The following NUFIP2 variants were observed in gnomAD, a reference collection of about 807,000 sequenced individuals.
The protein encoded by NUFIP2 is nuclear FMR1 interacting protein 2.
A neutral mutation model predicts 56.9 loss-of-function variants in NUFIP2; 6 were observed. That is an observed-to-expected ratio of 0.11 (90% CI 0.06 to 0.21). NUFIP2 has a LOEUF of 0.21. Ranked by LOEUF, NUFIP2 falls within the 10% of genes least tolerant of loss-of-function variation. The probability of loss-of-function intolerance (pLI) is 1.00; values close to 1 mark genes in which losing one functional copy is unlikely to be tolerated. For missense variants in NUFIP2, 828 were observed against 826.8 expected (o/e 1.00, Z -0.02); for synonymous variants, 321 against 298.2 (o/e 1.08, Z -0.79).
At chr17:29,272,368 A>G (rs1257108976) in intron 2 of NUFIP2, among the ~76,000 whole-genome samples, 1 of 151,488 alleles carries the variant, frequency 6.6e-6, no homozygotes, top group Non-Finnish European at 1.5e-5. Flanking sequence ...AGCCTCCCGA[A>G]TAGCTGAGAC....
rs1436111766 is a variant in NUFIP2, at chr17:29,294,083, C to T, written c.-24G>A. 3 of 1,575,244 alleles carry T rather than the reference C, an allele frequency of 1.9e-6. No individual in the cohort carries two copies. Among genetic ancestry groups the T allele is most frequent in the Non-Finnish European group, 2.6e-6 (3 of 1,158,502 alleles). ...ATTGAAAGCGGCTGGGACTCCCTGG[C>T]TGAGGCTGCGGGCTGCTGCACCGTC... is the stretch of plus-strand genomic sequence containing the variant. On this transcript the variant is annotated 5_prime_UTR_variant, in exon 1 of 4. Transcript: ENST00000225388.
At chr17:29,266,115 GCATGTGC>G (rs2069034690) in intron 3 of NUFIP2, among the ~76,000 whole-genome samples, 1 of 152,122 alleles carries the variant, frequency 6.6e-6, no homozygotes, top group Non-Finnish European at 1.5e-5. Flanking sequence ...GGATTTACAG[GCATGTGC>G]CACCACGCCT....
chr17:29,263,831 C>T lies in NUFIP2; in HGVS notation c.*708G>A, dbSNP rs1018104843. On this transcript the variant is annotated 3_prime_UTR_variant, in exon 4 of 4. Transcript: ENST00000225388. ...AAGTTAACTATGTACCATCAACTAA[C>T]TATTCCAGAATTGTAGAACTTCAAT... The T allele has an allele frequency of 6.6e-6, 1 of 152,550 alleles. No homozygotes were observed. The highest frequency in any genetic ancestry group is 6.5e-5 in the Admixed American group (1 of 15,270). The allele number at this position is 152,550 out of a possible 1,614,324, so 9.4% of individuals were successfully genotyped here.
Position 29,286,882 on chromosome 17 carries a change from T to G in NUFIP2, c.1112A>C (p.Gln371Pro), listed in dbSNP as rs527520585. Residue 371 changes from glutamine (Q) to proline (P), a missense_variant, in exon 2 of 4, where the codon CAG (glutamine) becomes CCG (proline). Gln to Pro is a moderately conservative substitution (Grantham distance 76). Around this residue, in one of 3 missense-constraint regions of NUFIP2, gnomAD observed 404 missense variants for 380.3 expected, o/e 1.06. Transcript: ENST00000225388. ...KVKENLNKTI[Q>P]NSSVSPTSSS... ...TGAAGTTGGTGACACAGAAGAGTTC[T>G]GTATAGTTTTGTTGAGGTTTTCCTT... The G allele has an allele frequency of 2.2e-5, 36 of 1,614,204 alleles. No homozygotes were observed. In the South Asian group the frequency reaches 4.0e-4, roughly 18 times the overall value.
chr17:29,291,303 T>C (rs1308537270), intron 1 of NUFIP2, among the ~76,000 whole-genome samples: 63 of 152,140 alleles, frequency 4.1e-4, no homozygotes, highest in Admixed American at 4.1e-3. Flanking sequence ...TAGAAACAAA[T>C]TACTCAACAC....
At chr17:29,276,042 A>ATATATATATATATATATC (rs1206998852) in intron 2 of NUFIP2, among the ~76,000 whole-genome samples, 3 of 150,264 alleles carry the variant, frequency 2.0e-5, no homozygotes, top group African/African-American at 7.4e-5. Flanking sequence ...ATATATATAT[A>ATATATATATATATATATC]TATATATCTG....
rs895629790 is a variant in NUFIP2, at chr17:29,260,619, G to A, written c.*3920C>T. 6.6e-6 allele frequency: 1 copy of A among 152,164 alleles called. No homozygotes were observed. The highest frequency in any genetic ancestry group is 1.5e-5 in the Non-Finnish European group (1 of 68,030). The allele number at this position is 152,164 out of a possible 1,614,324, so 9.4% of individuals were successfully genotyped here. ...AATTACAAAAGATAAATCATTAGAT[G>A]CCTCTGATGTGGGGAAGCAACAAGC... is the stretch of plus-strand genomic sequence containing the variant. On this transcript the variant is annotated 3_prime_UTR_variant, in exon 4 of 4. Coordinates refer to ENST00000225388, the MANE Select transcript of NUFIP2 (RefSeq NM_020772.3).
At chr17:29,266,524 AT>A (rs1158887056) in intron 3 of NUFIP2, among the ~76,000 whole-genome samples, 1 of 151,942 alleles carries the variant, frequency 6.6e-6, no homozygotes, top group Non-Finnish European at 1.5e-5. Flanking sequence ...AGCAAAGTAA[AT>A]GAGGAATAGG....
At chr17:29,267,124 G>C (rs986033567) in intron 3 of NUFIP2, among the ~76,000 whole-genome samples, 1 of 151,584 alleles carries the variant, frequency 6.6e-6, no homozygotes, top group Non-Finnish European at 1.5e-5. Flanking sequence ...GGCTGGTCTT[G>C]AACTCCTGAC....
chr17:29,270,551 C>A (rs1381413415), intron 2 of NUFIP2, among the ~76,000 whole-genome samples: 1 of 151,876 alleles, frequency 6.6e-6, no homozygotes, highest in Non-Finnish European at 1.5e-5. Flanking sequence ...TCCAATACAA[C>A]CAATATTTTT....
intron 1 of NUFIP2, among the ~76,000 whole-genome samples, chr17:29,289,259 T>C (rs1172432233): frequency 1.3e-5 from 2 of 152,234 alleles, no homozygotes; most frequent in Non-Finnish European, 2.9e-5. Flanking sequence ...TACCTTTTTA[T>C]GAAATGTTCA....
chr17:29,269,069 T>C (rs2069056413), intron 2 of NUFIP2, among the ~76,000 whole-genome samples: 1 of 152,182 alleles, frequency 6.6e-6, no homozygotes, highest in African/African-American at 2.4e-5. Context: ...CAACAGTAAT[T>C]GACTATTACA....
intron 2 of NUFIP2, among the ~76,000 whole-genome samples, chr17:29,283,362 C>G (rs708102): frequency 0.99 from 150,490 of 152,336 alleles, 74,414 homozygotes; most frequent in Middle Eastern, 1. Context: ...TTTTGAGACA[C>G]GGTCTCACTC....
Position 29,286,607 on chromosome 17 carries a change from C to T in NUFIP2, c.1387G>A (p.Ala463Thr). ...VLQDMSLTSA[A>T]VEQIKTSLFI... is the part of the protein sequence containing the mutation. ...AGGCTAGTCTTAATTTGTTCAACAG[C>T]TGCTGAAGTTAGACTCATGTCCTGG... The change falls in exon 2 of 4, where the codon GCT becomes ACT. Residue 463 changes from alanine to threonine, a missense_variant. Physicochemically the swap from Ala to Thr is moderately conservative, Grantham distance 58. This residue lies in a region of NUFIP2 where 404 missense variants were observed against 380.3 expected (regional missense o/e 1.06). Transcript: ENST00000225388. 2 of 1,614,136 alleles carry T rather than the reference C, an allele frequency of 1.2e-6. No individual in the cohort carries two copies. The highest frequency in any genetic ancestry group is 8.5e-7 in the Non-Finnish European group (1 of 1,179,976).
In NUFIP2 at chr17:29,261,210, T is replaced by A. The variant is rs2069000564; in HGVS notation, c.*3329A>T. 6.6e-6 allele frequency: 1 copy of A among 152,086 alleles called. No homozygotes were observed. The highest frequency in any genetic ancestry group is 1.5e-5 in the Non-Finnish European group (1 of 67,976). The allele number at this position is 152,086 out of a possible 1,614,324, so 9.4% of individuals were successfully genotyped here. A position where few individuals can be genotyped will look rare whatever the true frequency, so the allele number is the denominator to read the frequency against. On this transcript the variant is annotated 3_prime_UTR_variant, in exon 4 of 4. Transcript: ENST00000225388. The stretch of plus-strand genomic sequence containing the variant: ...AGTATCTTCATAGCTATTAAAAAAA[T>A]AGGTCATAATTTCATTCTTAGTGCC...
intron 1 of NUFIP2, among the ~76,000 whole-genome samples, chr17:29,289,606 A>G (rs558774850): frequency 7.0e-4 from 107 of 152,300 alleles, no homozygotes; most frequent in Non-Finnish European, 1.0e-3. Flanking sequence ...AAAAAAGAAA[A>G]AAGAAAGATA....
Position 29,260,995 on chromosome 17 carries a change from A to C in NUFIP2, c.*3544T>G, listed in dbSNP as rs1413742115. 2 of 152,138 alleles carry C rather than the reference A, an allele frequency of 1.3e-5. No homozygotes were observed. The highest frequency in any genetic ancestry group is 4.8e-5 in the African/African-American group (2 of 41,438). The allele number at this position is 152,138 out of a possible 1,614,324, so 9.4% of individuals were successfully genotyped here. ...ACACTTTATGTGAAGGTTCATTACT[A>C]AGGAGGTTAGAAGAAAGGCTATGTA... On this transcript the variant is annotated 3_prime_UTR_variant, in exon 4 of 4. Transcript: ENST00000225388.
In NUFIP2 at chr17:29,286,423, C is replaced by T; in HGVS notation, c.1571G>A (p.Gly524Glu). The T allele has an allele frequency of 1.2e-6, 2 of 1,614,122 alleles. No individual in the cohort carries two copies. The highest frequency in any genetic ancestry group is 1.7e-6 in the Non-Finnish European group (2 of 1,180,006). ...CATCACTTTATGCTCTGATGACTTC[C>T]CAGTAACAGTCTCAGGGCCAGCACT... ...EPSAGPETVT[G>E]KSSEHKVMEV... Residue 524 changes from glycine (G) to glutamate (E), a missense_variant, in exon 2 of 4, where the codon GGG becomes GAG. Transcript: ENST00000225388.
chr17:29,263,036 GA>G lies in NUFIP2; in HGVS notation c.*1502del, dbSNP rs2069013180. Reference sequence around the variant, plus strand: ...CAGGGGATCCAGTCTACTTTTATCAGAAGACTACAACTCTTTATATAAATGC... The same window carrying G: ...CAGGGGATCCAGTCTACTTTTATCAGAGACTACAACTCTTTATATAAATGC... On this transcript the variant is annotated 3_prime_UTR_variant, in exon 4 of 4. Coordinates refer to ENST00000225388, the MANE Select transcript of NUFIP2 (RefSeq NM_020772.3). 6.6e-6 allele frequency: 1 copy of G among 152,554 alleles called. No individual in the cohort carries two copies. 9.5% of individuals were successfully genotyped at this position (152,554 alleles called of 1,614,324 possible). A position where few individuals can be genotyped will look rare whatever the true frequency, so the allele number is the denominator to read the frequency against.
Sources: gnomAD v4.1 joint callset for allele counts (sites outside exome capture counted in the v4.1 genomes callset) on GRCh38, gnomAD v4.1.1 for gene constraint, gnomAD v4.1.1 regional missense constraint, MANE v1.5 for transcripts, NCBI Gene and HGNC (gene_info 2026-07-23, HGNC 2026-07-21) for gene names.